Variants in RBFOX1 observed in about 807,000 individuals in gnomAD.
The protein encoded by RBFOX1 is RNA binding protein fox-1 homolog 1.
A neutral mutation model predicts 57.7 loss-of-function variants in RBFOX1; 8 were observed. The observed-to-expected ratio is 0.14, with a 90% confidence interval of 0.08 to 0.25. RBFOX1 has a LOEUF of 0.25. Ranked by LOEUF, RBFOX1 falls within the 10% of genes least tolerant of loss-of-function variation. RBFOX1 has a pLI of 1.00. For missense variants in RBFOX1, 611 were observed against 548.5 expected (o/e 1.11, Z -1.14); for synonymous variants, 326 against 222.4 (o/e 1.47, Z -4.15).
At chr16:5,802,147 C>T (rs1393818835) in intron 3 of RBFOX1, among the ~76,000 whole-genome samples, 1 of 152,168 alleles carries the variant, frequency 6.6e-6, no homozygotes, top group Non-Finnish European at 1.5e-5. Flanking sequence ...TGAGGTTTAA[C>T]TCCCCTTACT....
At chr16:5,583,384 G>A (rs2046736620) in intron 2 of RBFOX1, among the ~76,000 whole-genome samples, 1 of 152,190 alleles carries the variant, frequency 6.6e-6, no homozygotes, top group South Asian at 2.1e-4. Context: ...AATCCCAGCG[G>A]CCATACTTCA....
chr16:7,237,947 T>C (rs916666304), intron 4 of RBFOX1, among the ~76,000 whole-genome samples: 1 of 152,178 alleles, frequency 6.6e-6, no homozygotes, highest in African/African-American at 2.4e-5. Context: ...GAGGTTACAG[T>C]GAGCCCACGT....
chr16:5,522,077 C>G (rs1336435052), intron 2 of RBFOX1, among the ~76,000 whole-genome samples: 2 of 152,228 alleles, frequency 1.3e-5, no homozygotes, highest in South Asian at 2.1e-4. Context: ...GAATATGTGA[C>G]CACATGCTGG....
intron 5 of RBFOX1, among the ~76,000 whole-genome samples, chr16:7,524,692 C>T (rs2078284669): frequency 2.0e-5 from 3 of 152,226 alleles, no homozygotes; most frequent in African/African-American, 7.2e-5. Context: ...GGGAAAAGAA[C>T]TATTTAGAGA....
intron 14 of RBFOX1, among the ~76,000 whole-genome samples, chr16:7,702,032 C>T (rs985807997): frequency 3.9e-5 from 6 of 152,190 alleles, no homozygotes; most frequent in African/African-American, 1.2e-4. Context: ...CTGCATAGTG[C>T]ACTGAGATAA....
intron 4 of RBFOX1, among the ~76,000 whole-genome samples, chr16:7,389,479 C>G (rs947227977): frequency 6.6e-6 from 1 of 152,128 alleles, no homozygotes; most frequent in Admixed American, 6.5e-5. Flanking sequence ...TCCCCTGAAG[C>G]CTGATTCTTG....
rs774572213 is a variant in RBFOX1 at position 7,118,439 on chromosome 16, G to A, written c.27+66341G>A. Reference sequence around the variant, plus strand: ...AGAGACTCAGAAGGAGGGAGGCAAGGAGGAGGGTAAAGGATGGAAAATTAC... The same window carrying A: ...AGAGACTCAGAAGGAGGGAGGCAAGAAGGAGGGTAAAGGATGGAAAATTAC... On this transcript the variant is annotated intron_variant, in intron 4 of 15. Transcript: ENST00000550418. Among the ~76,000 whole-genome samples the A allele has an allele frequency of 3.9e-4, 60 of 152,082 alleles. 2 individuals are homozygous for A. The highest frequency in any genetic ancestry group is 7.4e-4 in the Non-Finnish European group (50 of 68,026).
intron 2 of RBFOX1, among the ~76,000 whole-genome samples, chr16:6,596,064 T>C (rs2153998232): frequency 6.6e-6 from 1 of 152,214 alleles, no homozygotes; most frequent in Non-Finnish European, 1.5e-5. Context: ...TTCTGTTTCA[T>C]TCTGTGGATT....
intron 2 of RBFOX1, among the ~76,000 whole-genome samples, chr16:5,508,325 G>C (rs903102145): frequency 1.3e-5 from 2 of 152,128 alleles, no homozygotes; most frequent in Non-Finnish European, 2.9e-5. Flanking sequence ...GCCACCCTCA[G>C]CTCCTTGCCA....
intron 2 of RBFOX1, among the ~76,000 whole-genome samples, chr16:6,492,159 A>T (rs1404436286): frequency 6.6e-6 from 1 of 152,134 alleles, no homozygotes; most frequent in Admixed American, 6.6e-5. Flanking sequence ...TCCCTTGTAT[A>T]TGTGAAAGTT....
intron 1 of RBFOX1, among the ~76,000 whole-genome samples, chr16:6,203,906 C>G (rs887011556): frequency 2.0e-5 from 3 of 152,014 alleles, no homozygotes; most frequent in African/African-American, 7.2e-5. Flanking sequence ...TATGCCTGAT[C>G]CCTGCATACA....
chr16:7,214,451 G>A (rs1567735846), intron 4 of RBFOX1, among the ~76,000 whole-genome samples: 1 of 151,884 alleles, frequency 6.6e-6, no homozygotes, highest in Non-Finnish European at 1.5e-5. Context: ...AAATCACCGT[G>A]TCTTGCCATG....
chr16:7,655,073 A>G (rs965677307), intron 12 of RBFOX1, among the ~76,000 whole-genome samples: 1 of 152,236 alleles, frequency 6.6e-6, no homozygotes, highest in Non-Finnish European at 1.5e-5. Flanking sequence ...TGCCCTTTTC[A>G]TAGCTCTGTT....
At chr16:6,115,552 C>T (rs1345364432) in intron 1 of RBFOX1, among the ~76,000 whole-genome samples, 1 of 151,774 alleles carries the variant, frequency 6.6e-6, no homozygotes, top group Non-Finnish European at 1.5e-5. Context: ...TGTTTTTTTT[C>T]CCCTCTGTCC....
chr16:5,583,955 C>G (rs1272747140), intron 2 of RBFOX1, among the ~76,000 whole-genome samples: 2 of 152,172 alleles, frequency 1.3e-5, no homozygotes, highest in African/African-American at 2.4e-5. Flanking sequence ...GGGAATGGCC[C>G]AGGGAGCTCA....
chr16:5,770,543 A>C (rs9927357), intron 3 of RBFOX1, among the ~76,000 whole-genome samples: 59,397 of 151,716 alleles, frequency 0.39, 11,953 homozygotes, highest in East Asian at 0.61. Flanking sequence ...ACAGTCCACA[A>C]GTGCTATCTG....
intron 4 of RBFOX1, among the ~76,000 whole-genome samples, chr16:7,404,962 C>G (rs1462197786): frequency 1.3e-5 from 2 of 152,132 alleles, no homozygotes; most frequent in Non-Finnish European, 2.9e-5. Flanking sequence ...TCTACTCCCT[C>G]TAGTAGAGAT....
chr16:6,328,005 G>T lies in RBFOX1; in HGVS notation c.-64+10948G>T, dbSNP rs748182812. 3.0e-4 allele frequency among the ~76,000 whole-genome samples: 46 copies of T among 152,214 alleles called. No individual in the cohort carries two copies. The Middle Eastern group carries it at 0.01, about 34-fold the overall frequency. ...TGGAAACGTATAAAGGTTGTGCATT[G>T]CCAATTTGCAGTTGCAAAAATCTGG... On this transcript the variant is annotated intron_variant, in intron 2 of 15. Coordinates refer to ENST00000550418, the MANE Select transcript of RBFOX1 (RefSeq NM_018723.4).
chr16:5,995,971 G>C (rs758489585), intron 4 of RBFOX1, among the ~76,000 whole-genome samples: 1 of 152,146 alleles, frequency 6.6e-6, no homozygotes, highest in South Asian at 2.1e-4. Context: ...CCCATGTTGT[G>C]GTTCATAGAT....
Sources: allele counts gnomAD v4.1 joint callset (sites outside exome capture counted in the v4.1 genomes callset), GRCh38; gene constraint gnomAD v4.1.1; transcripts MANE v1.5; gene names NCBI Gene and HGNC (gene_info 2026-07-23, HGNC 2026-07-21).